The following WDR37 variants were observed in gnomAD, a reference collection of about 807,000 sequenced individuals.
WDR37 encodes WD repeat-containing protein 37.
A neutral mutation model predicts 62.9 loss-of-function variants in WDR37; 19 were observed. The observed-to-expected ratio is 0.30, with a 90% CI of 0.21 to 0.44. The LOEUF is 0.44. WDR37 is among the 20% of genes least tolerant of loss of function. WDR37 has a pLI of 1.00. For synonymous variants in WDR37, 250 were observed against 260.9 expected (o/e 0.96, Z 0.40); for missense variants, 474 against 657.6 (o/e 0.72, Z 3.05).
At chr10:1,088,448 G>C (rs1421185798) in intron 7 of WDR37, among the ~76,000 whole-genome samples, 1 of 152,100 alleles carries the variant, frequency 6.6e-6, no homozygotes, top group African/African-American at 2.4e-5. Flanking sequence ...TTATGAATTG[G>C]CCTAATTTTA....
intron 13 of WDR37, among the ~76,000 whole-genome samples, chr10:1,125,802 A>C (rs1019492713): frequency 7.9e-5 from 12 of 152,226 alleles, no homozygotes; most frequent in Non-Finnish European, 1.5e-5. Context: ...TGCGACAGGA[A>C]GAAATATATT....
intron 1 of WDR37, among the ~76,000 whole-genome samples, chr10:1,060,932 C>T (rs946982279): frequency 6.6e-6 from 1 of 152,206 alleles, no homozygotes; most frequent in African/African-American, 2.4e-5. Context: ...GCTGGGCCAT[C>T]TAGCCTAGGT....
Position 1,131,240 on chromosome 10 carries a change from G to C in WDR37, c.*1896G>C, listed in dbSNP as rs1835940945. ...AGCCTCCCACACTGCACATACAAAG[G>C]TCTGAGCCCAGGGCAGCTTCTGGGG... On this transcript the variant is annotated 3_prime_UTR_variant, in exon 14 of 14. Transcript: ENST00000263150. 6.6e-6 allele frequency: 1 copy of C among 152,252 alleles called. No individual in the cohort carries two copies. The highest frequency in any genetic ancestry group is 1.9e-4 in the East Asian group (1 of 5,200). The allele number at this position is 152,252 out of a possible 1,614,324, so 9.4% of individuals were successfully genotyped here.
intron 9 of WDR37, among the ~76,000 whole-genome samples, chr10:1,101,462 C>T (rs996191198): frequency 6.6e-6 from 1 of 152,160 alleles, no homozygotes; most frequent in African/African-American, 2.4e-5. Context: ...TCTCATTTTA[C>T]CTTAATTATC....
At chr10:1,081,225 T>TA (rs1834018645) in intron 5 of WDR37, among the ~76,000 whole-genome samples, 1 of 152,250 alleles carries the variant, frequency 6.6e-6, no homozygotes, top group African/African-American at 2.4e-5. Context: ...TGTATTTTCT[T>TA]AAAGTATCTC....
intron 9 of WDR37, among the ~76,000 whole-genome samples, chr10:1,100,044 A>C (rs1834740493): frequency 1.3e-5 from 2 of 152,270 alleles, no homozygotes; most frequent in African/African-American, 4.8e-5. Context: ...TTTTCCAAAT[A>C]AAATAAGAAA....
rs754944605 is a variant in WDR37 at position 1,080,086 on chromosome 10, A to G, written c.311A>G (p.Lys104Arg). Residue 104 changes from lysine to arginine, a missense_variant, in exon 4 of 14, where the codon AAG (lysine) becomes AGG (arginine). By Grantham distance (26) the Lys-to-Arg change is conservative (BLOSUM62 2). Transcript: ENST00000263150. Reference sequence around the variant, plus strand: ...GCGATTGATGGAGCAGAGCTGAGTAAGGGCCAACTCAAAACAAAAGGTAAG... The same window carrying G: ...GCGATTGATGGAGCAGAGCTGAGTAGGGGCCAACTCAAAACAAAAGGTAAG... ...GQAIDGAELS[K>R]GQLKTKASHS... 30 of 1,614,028 alleles carry G rather than the reference A, an allele frequency of 1.9e-5. No homozygotes were observed. Among genetic ancestry groups the G allele is most frequent in the Non-Finnish European group, 2.0e-5 (24 of 1,180,012 alleles).
intron 12 of WDR37, among the ~76,000 whole-genome samples, 187 bp from the exon 13 acceptor site, chr10:1,124,723 A>C (rs568113197): frequency 1.3e-5 from 2 of 151,170 alleles, no homozygotes; most frequent in East Asian, 3.9e-4. Context: ...GGTCTGTGTG[A>C]TCTTGTAGCT....
chr10:1,107,750 T>C (rs1278450553), intron 11 of WDR37, among the ~76,000 whole-genome samples: 3 of 150,886 alleles, frequency 2.0e-5, no homozygotes, highest in African/African-American at 7.4e-5. Context: ...CCACTGTCTG[T>C]AACACACAAC....
chr10:1,063,920 G>A (rs1833455190), intron 1 of WDR37, among the ~76,000 whole-genome samples: 1 of 152,128 alleles, frequency 6.6e-6, no homozygotes, highest in South Asian at 2.1e-4. Context: ...TCTGATGTCA[G>A]GATTTCAATG....
At chr10:1,124,055 T>C (rs1320313630) in intron 11 of WDR37, 163 bp from the exon 12 acceptor site, 1 of 796,644 alleles carries the variant, frequency 1.3e-6, no homozygotes, top group Admixed American at 2.9e-5. Context: ...TTTCTTGCAC[T>C]GGTGGAGAGG....
intron 1 of WDR37, among the ~76,000 whole-genome samples, chr10:1,066,981 C>T (rs562811665): frequency 1.3e-5 from 2 of 152,288 alleles, no homozygotes; most frequent in African/African-American, 2.4e-5. Flanking sequence ...ACCTGCCCCT[C>T]CATGATTCAG....
At chr10:1,096,366 C>T (rs1318954165) in intron 9 of WDR37, 120 bp downstream of exon 9, 4 of 1,086,376 alleles carry the variant, frequency 3.7e-6, no homozygotes, top group South Asian at 1.3e-5. Context: ...GTGTTGAAGG[C>T]CTCACCCCCG....
chr10:1,126,172 G>A (rs533391506), intron 13 of WDR37, among the ~76,000 whole-genome samples: 135 of 152,272 alleles, frequency 8.9e-4, no homozygotes, highest in African/African-American at 3.0e-3. Context: ...TTGGGAGGCT[G>A]AGGCGGGCAG....
At chr10:1,107,310 G>T (rs1173710104) in intron 11 of WDR37, among the ~76,000 whole-genome samples, 1 of 64 alleles carries the variant, frequency 0.016, no homozygotes, top group African/African-American at 0.12. Context: ...GTAGGGCGGG[G>T]CAGAGGGGCC....
intron 8 of WDR37, among the ~76,000 whole-genome samples, chr10:1,094,475 A>G (rs1834501088): frequency 6.6e-6 from 1 of 152,172 alleles, no homozygotes; most frequent in African/African-American, 2.4e-5. Flanking sequence ...TATGTGAGAG[A>G]GAAATGTGGT....
At chr10:1,077,818 A>G in intron 2 of WDR37, 89 bp from the exon 3 acceptor site, 2 of 953,264 alleles carry the variant, frequency 2.1e-6, no homozygotes, top group African/African-American at 3.4e-5. Context: ...AAGAGTTTAC[A>G]ATAAAAGATA....
chr10:1,126,363 G>T (rs373160450), intron 13 of WDR37, among the ~76,000 whole-genome samples: 3 of 148,326 alleles, frequency 2.0e-5, no homozygotes, highest in South Asian at 2.1e-4. Context: ...CTGAGATCGC[G>T]CCACTGCACT....
At chr10:1,123,536 G>A (rs977164464) in intron 11 of WDR37, among the ~76,000 whole-genome samples, 13 of 152,186 alleles carry the variant, frequency 8.5e-5, no homozygotes, top group Non-Finnish European at 1.5e-5. Context: ...GCACGTGTTA[G>A]AGTTTCTTTT....
Sources: allele counts gnomAD v4.1 joint callset (sites outside exome capture counted in the v4.1 genomes callset), GRCh38; gene constraint gnomAD v4.1.1; transcripts MANE v1.5; gene names NCBI Gene and HGNC (gene_info 2026-07-23, HGNC 2026-07-21).